The following MARCHF1 variants were observed in gnomAD, a reference collection of about 807,000 sequenced individuals.
MARCHF1 encodes the protein E3 ubiquitin-protein ligase MARCHF1.
A neutral mutation model predicts 54.2 loss-of-function variants in MARCHF1; 40 were observed. That is an observed-to-expected ratio of 0.74 (90% confidence interval 0.57 to 0.96). The LOEUF (loss-of-function observed/expected upper bound fraction) is 0.96. MARCHF1 is among the 40% of genes least tolerant of loss of function. The pLI is 0.00. For missense variants in MARCHF1, 586 were observed against 656.5 expected (o/e 0.89, Z 1.17); for synonymous variants, 236 against 236.3 (o/e 1.00, Z 0.01).
chr4:164,257,097 A>G (rs1364536100), intron 1 of MARCHF1, among the ~76,000 whole-genome samples: 12 of 152,168 alleles, frequency 7.9e-5, no homozygotes, highest in Non-Finnish European at 1.8e-4. Flanking sequence ...AGCTATAAAT[A>G]AACTGTTCAT....
At chr4:163,748,629 A>G (rs895226418) in intron 4 of MARCHF1, among the ~76,000 whole-genome samples, 5 of 152,142 alleles carry the variant, frequency 3.3e-5, no homozygotes. Flanking sequence ...GAAAGAACAG[A>G]GAGAAAGGTT....
At chr4:164,127,948 A>G (rs1286278074) in intron 1 of MARCHF1, among the ~76,000 whole-genome samples, 1 of 152,210 alleles carries the variant, frequency 6.6e-6, no homozygotes, top group Non-Finnish European at 1.5e-5. Flanking sequence ...CCCAGCAAAC[A>G]GTAAAACATA....
intron 1 of MARCHF1, among the ~76,000 whole-genome samples, chr4:164,279,738 A>G (rs1733978258): frequency 8.3e-6 from 1 of 120,684 alleles, no homozygotes; most frequent in Non-Finnish European, 1.9e-5. Context: ...GTAACTGTGA[A>G]ATGTATGTGT....
At chr4:164,114,738 TACAC>T (rs993358251) in intron 1 of MARCHF1, among the ~76,000 whole-genome samples, 12 of 150,326 alleles carry the variant, frequency 8.0e-5, no homozygotes, top group Non-Finnish European at 1.6e-4. Flanking sequence ...AATGGGAAAC[TACAC>T]ACACACAATA....
At chr4:163,604,946 T>C (rs1187428860) in intron 7 of MARCHF1, among the ~76,000 whole-genome samples, 2 of 152,080 alleles carry the variant, frequency 1.3e-5, no homozygotes, top group African/African-American at 2.4e-5. Flanking sequence ...ATTCACAGAT[T>C]TTTTTTATGC....
intron 1 of MARCHF1, among the ~76,000 whole-genome samples, chr4:164,279,163 TTCTAA>T (rs1733960304): frequency 6.6e-6 from 1 of 151,042 alleles, no homozygotes; most frequent in Admixed American, 6.6e-5. Flanking sequence ...TGCCCTAAAT[TTCTAA>T]TCTGACAAAA....
intron 2 of MARCHF1, among the ~76,000 whole-genome samples, chr4:164,058,316 T>G (rs970489908): frequency 1.3e-5 from 2 of 152,212 alleles, no homozygotes; most frequent in Admixed American, 1.3e-4. Context: ...ACATATCCTC[T>G]GAAAGCCAAT....
At chr4:163,897,781 G>A (rs1750843110) in intron 3 of MARCHF1, among the ~76,000 whole-genome samples, 1 of 152,062 alleles carries the variant, frequency 6.6e-6, no homozygotes, top group Non-Finnish European at 1.5e-5. Flanking sequence ...AAGAGGCCAG[G>A]TGTGGTGGCT....
intron 1 of MARCHF1, among the ~76,000 whole-genome samples, chr4:164,334,272 G>A (rs898937985): frequency 1.3e-5 from 2 of 152,168 alleles, no homozygotes; most frequent in African/African-American, 2.4e-5. Context: ...CATAGATAGA[G>A]AGAGAAGTCA....
chr4:163,619,143 T>C (rs1047537670), intron 5 of MARCHF1, among the ~76,000 whole-genome samples: 1 of 152,152 alleles, frequency 6.6e-6, no homozygotes, highest in Non-Finnish European at 1.5e-5. Context: ...GATGGAGGTT[T>C]TGAATGTTAC....
chr4:163,935,405 A>C (rs959249591), intron 3 of MARCHF1, among the ~76,000 whole-genome samples: 3 of 152,194 alleles, frequency 2.0e-5, no homozygotes, highest in Admixed American at 2.0e-4. Context: ...TTAATTAATT[A>C]TCTTAGCTAG....
rs1017301497 is a variant in MARCHF1, at chr4:163,995,750, G to A, written c.-247-7041C>T. On this transcript the variant is annotated intron_variant, in intron 2 of 9. Transcript: ENST00000514618. Reference sequence around the variant, plus strand: ...ATTATAAAGCACCCTACCATTTGACGACCAGTTTAAGTCCTGGAAAACTGA... The same window carrying A: ...ATTATAAAGCACCCTACCATTTGACAACCAGTTTAAGTCCTGGAAAACTGA... 9.9e-5 allele frequency among the ~76,000 whole-genome samples: 15 copies of A among 151,926 alleles called. No individual in the cohort carries two copies. In the East Asian group the frequency reaches 1.2e-3, roughly 12 times the overall value.
At chr4:164,346,736 G>A (rs1284097348) in intron 1 of MARCHF1, among the ~76,000 whole-genome samples, 3 of 149,128 alleles carry the variant, frequency 2.0e-5, no homozygotes, top group Non-Finnish European at 4.4e-5. Flanking sequence ...GAGATGGTAT[G>A]GAATTAAACA....
chr4:163,932,871 C>G (rs1751709681), intron 3 of MARCHF1: 7 of 630,648 alleles, frequency 1.1e-5, no homozygotes, highest in Admixed American at 1.1e-4. Flanking sequence ...GGTCTTCTAT[C>G]TGAAAATGAA....
intron 3 of MARCHF1, among the ~76,000 whole-genome samples, chr4:163,968,701 G>T (rs1752491217): frequency 6.6e-6 from 1 of 152,078 alleles, no homozygotes; most frequent in Non-Finnish European, 1.5e-5. Context: ...AGAACCATAG[G>T]ATTGTAGATG....
intron 4 of MARCHF1, among the ~76,000 whole-genome samples, chr4:163,717,272 T>C (rs1745294338): frequency 6.6e-6 from 1 of 151,270 alleles, no homozygotes; most frequent in African/African-American, 2.4e-5. Context: ...TTGCGATAGT[T>C]TGCTGAGAAT....
intron 5 of MARCHF1, among the ~76,000 whole-genome samples, chr4:163,630,880 GA>G (rs1466732622): frequency 1.4e-4 from 22 of 151,734 alleles, no homozygotes; most frequent in African/African-American, 5.1e-4. Context: ...AATGCCAGAA[GA>G]AATGCAAGGA....
At chr4:163,596,465 G>A (rs766903735) in intron 7 of MARCHF1, among the ~76,000 whole-genome samples, 13 of 148,420 alleles carry the variant, frequency 8.8e-5, no homozygotes, top group African/African-American at 2.2e-4. Flanking sequence ...GCTTGAACTC[G>A]GGAGGCAGAG....
chr4:163,527,869 G>GTGTT lies in MARCHF1; in HGVS notation c.*875_*878dup, dbSNP rs765088884. 2 of 151,946 alleles carry GTGTT rather than the reference G, an allele frequency of 1.3e-5. No individual in the cohort carries two copies. Among genetic ancestry groups the GTGTT allele is most frequent in the Non-Finnish European group, 2.9e-5 (2 of 67,942 alleles). The allele number at this position is 151,946 out of a possible 1,614,324, so 9.4% of individuals were successfully genotyped here. Reference sequence around the variant, plus strand: ...TGATGACATGTTGAAATAACATATAGTGTTTTTAAAAAATCAAAATTCATT... The same window carrying GTGTT: ...TGATGACATGTTGAAATAACATATAGTGTTTGTTTTTAAAAAATCAAAATTCATT... On this transcript the variant is annotated 3_prime_UTR_variant, in exon 10 of 10. Transcript: ENST00000514618.
Sources: gnomAD v4.1 joint callset for allele counts (sites outside exome capture counted in the v4.1 genomes callset) on GRCh38, gnomAD v4.1.1 for gene constraint, MANE v1.5 for transcripts, NCBI Gene and HGNC (gene_info 2026-07-23, HGNC 2026-07-21) for gene names.